The following CEP112 variants were observed in gnomAD, a reference collection of about 807,000 sequenced individuals.
CEP112 encodes the protein centrosomal protein 112, also known as centrosomal protein of 112 kDa.
CEP112 carries 127 observed loss-of-function variants against 153.0 expected under a neutral mutation model. The ratio of observed to expected loss-of-function variants is 0.83; its 90% confidence interval spans 0.72 to 0.96. The LOEUF is 0.96. Among genes scored for constraint, CEP112 ranks in the 40% least tolerant of loss-of-function variants. The pLI is 0.00. For missense variants in CEP112, 1,089 were observed against 1,101.2 expected (o/e 0.99, Z 0.16); for synonymous variants, 358 against 374.4 (o/e 0.96, Z 0.51).
chr17:66,110,315 A>G (rs916067293), intron 6 of CEP112, among the ~76,000 whole-genome samples: 15 of 151,934 alleles, frequency 9.9e-5, no homozygotes, highest in Non-Finnish European at 2.1e-4. Flanking sequence ...CTGGCAATGA[A>G]ATGAGACTCT....
At chr17:66,001,692 T>G (rs2064060185) in intron 17 of CEP112, among the ~76,000 whole-genome samples, 1 of 152,100 alleles carries the variant, frequency 6.6e-6, no homozygotes, top group African/African-American at 2.4e-5. Flanking sequence ...CACCAAAAAC[T>G]TAAAAAATTA....
intron 24 of CEP112, chr17:65,688,924 C>T (rs950067009): frequency 5.1e-6 from 2 of 392,128 alleles, no homozygotes; most frequent in Non-Finnish European, 4.6e-6. Context: ...CCTGCCACCA[C>T]ACCCAGTTAA....
At chr17:65,962,889 C>T (rs1220730507) in intron 17 of CEP112, among the ~76,000 whole-genome samples, 1 of 152,196 alleles carries the variant, frequency 6.6e-6, no homozygotes, top group Non-Finnish European at 1.5e-5. Flanking sequence ...TCCATTAAAC[C>T]TCTTTTGAAA....
chr17:65,807,634 T>G (rs1039556585), intron 21 of CEP112, among the ~76,000 whole-genome samples: 2 of 152,306 alleles, frequency 1.3e-5, no homozygotes, highest in East Asian at 3.9e-4. Context: ...GCTCCAGTTG[T>G]AGCTAAAAGG....
chr17:65,670,612 A>G (rs1305861840), intron 24 of CEP112, among the ~76,000 whole-genome samples: 1 of 152,206 alleles, frequency 6.6e-6, no homozygotes, highest in Non-Finnish European at 1.5e-5. Flanking sequence ...ACAATTAACC[A>G]ACTTAATTTT....
chr17:66,129,942 G>A, intron 5 of CEP112, 119 bp from the exon 6 acceptor site: 1 of 517,786 alleles, frequency 1.9e-6, no homozygotes, highest in Non-Finnish European at 3.3e-6. Flanking sequence ...TAAAGAGGAA[G>A]GAAGTAAAAA....
intron 25 of CEP112, among the ~76,000 whole-genome samples, chr17:65,639,046 T>C (rs573333980): frequency 4.8e-4 from 73 of 152,334 alleles, no homozygotes; most frequent in African/African-American, 1.6e-3. Context: ...ACCCTTTGTA[T>C]GTTCCCATTC....
At chr17:65,638,941 G>A (rs750170708) in intron 25 of CEP112, among the ~76,000 whole-genome samples, 2 of 151,994 alleles carry the variant, frequency 1.3e-5, no homozygotes, top group African/African-American at 2.4e-5. Context: ...AAGGCGTCAG[G>A]TCCTACATAG....
At chr17:65,909,732 A>G (rs1184255436) in intron 19 of CEP112, among the ~76,000 whole-genome samples, 1 of 152,222 alleles carries the variant, frequency 6.6e-6, no homozygotes, top group East Asian at 1.9e-4. Context: ...ACAAGGAAAG[A>G]AGAATAATAA....
At chr17:66,155,582 G>A (rs995294997) in intron 4 of CEP112, among the ~76,000 whole-genome samples, 4 of 152,088 alleles carry the variant, frequency 2.6e-5, no homozygotes, top group Non-Finnish European at 2.9e-5. Context: ...CTGAAGCCAG[G>A]GAGCCAAGTG....
At chr17:65,728,558 C>A (rs2050312352) in intron 23 of CEP112, among the ~76,000 whole-genome samples, 1 of 152,068 alleles carries the variant, frequency 6.6e-6, no homozygotes, top group Admixed American at 6.6e-5. Context: ...AACTGTTGTA[C>A]CAGTGGTACT....
At chr17:65,720,518 G>C (rs186354939) in intron 23 of CEP112, among the ~76,000 whole-genome samples, 13 of 152,322 alleles carry the variant, frequency 8.5e-5, no homozygotes, top group African/African-American at 3.1e-4. Flanking sequence ...TACTTCAGGG[G>C]AGTCAAGCTG....
chr17:66,051,342 ATC>A (rs2066432047), intron 12 of CEP112, among the ~76,000 whole-genome samples: 1 of 149,036 alleles, frequency 6.7e-6, no homozygotes, highest in African/African-American at 2.4e-5. Flanking sequence ...ATTAACAATG[ATC>A]TGAGTGTTTA....
rs2051796715 is a variant in CEP112 at position 65,750,868 on chromosome 17, A to T, written c.2395-144T>A. 1.1e-5 allele frequency: 7 copies of T among 609,666 alleles called. No homozygotes were observed. In the South Asian group the frequency reaches 1.5e-4, roughly 13 times the overall value. The allele number at this position is 609,666 out of a possible 1,614,324, so 37.8% of individuals were successfully genotyped here. A position where few individuals can be genotyped will look rare whatever the true frequency, so the allele number is the denominator to read the frequency against. ...CAGAAAACCACAGGGCTTGTCTTTG[A>T]TGTTACGCCAACTATTCATCACTTA... On this transcript the variant is annotated intron_variant, in intron 21 of 26. Coordinates refer to ENST00000535342, the MANE Select transcript of CEP112 (RefSeq NM_001199165.4).
intron 23 of CEP112, among the ~76,000 whole-genome samples, chr17:65,701,639 A>C (rs2048636370): frequency 6.6e-6 from 1 of 152,086 alleles, no homozygotes; most frequent in African/African-American, 2.4e-5. Flanking sequence ...CAAATCCTCT[A>C]ATCTGACATC....
rs2059870893 is a variant in CEP112, at chr17:65,901,988, G to GGT, written c.2163+163_2163+164insAC. Among the ~76,000 whole-genome samples the GGT allele has an allele frequency of 1.6e-4, 7 of 43,456 alleles. 1 individual carries two copies. Among genetic ancestry groups the GGT allele is most frequent in the Admixed American group, 7.1e-4 (3 of 4,222 alleles). 28.5% of individuals were successfully genotyped at this position (43,456 alleles called of 152,430 possible). A position where few individuals can be genotyped will look rare whatever the true frequency, so the allele number is the denominator to read the frequency against. On this transcript the variant is annotated intron_variant, in intron 20 of 26. Transcript: ENST00000535342. ...AGGCTTTATTCATCCCAAAACGGGG[G>GGT]GGGGGGGGGGTGGGGGGGAGAAAAA... is the stretch of plus-strand genomic sequence containing the variant.
At chr17:65,646,837 C>A (rs938560856) in intron 24 of CEP112, among the ~76,000 whole-genome samples, 1 of 152,200 alleles carries the variant, frequency 6.6e-6, no homozygotes, top group African/African-American at 2.4e-5. Flanking sequence ...GGGCGTTGAA[C>A]TGCAGTGCTT....
chr17:66,142,495 A>G (rs190553206), intron 4 of CEP112, among the ~76,000 whole-genome samples: 1 of 152,154 alleles, frequency 6.6e-6, no homozygotes, highest in African/African-American at 2.4e-5. Flanking sequence ...CTTATGTTTA[A>G]GTCTTTAACG....
chr17:65,810,411 G>T lies in CEP112; in HGVS notation c.2394+41393C>A, dbSNP rs1433510522. Among the ~76,000 whole-genome samples, 3 of 152,162 alleles carry T rather than the reference G, an allele frequency of 2.0e-5. No homozygotes were observed. In the East Asian group the frequency reaches 5.8e-4, roughly 29 times the overall value. ...TTTCTGGGCCAAAGTACAAAGAATT[G>T]GGTGTGAGCTCTTCATATCCTGTCT... On this transcript the variant is annotated intron_variant, in intron 21 of 26. Coordinates refer to ENST00000535342, the MANE Select transcript of CEP112 (RefSeq NM_001199165.4).
Sources: allele counts gnomAD v4.1 joint callset (sites outside exome capture counted in the v4.1 genomes callset), GRCh38; gene constraint gnomAD v4.1.1; transcripts MANE v1.5; gene names NCBI Gene and HGNC (gene_info 2026-07-23, HGNC 2026-07-21).